GALNT11: variants seen among roughly 807,000 people sequenced by gnomAD.
The protein encoded by GALNT11 is polypeptide N-acetylgalactosaminyltransferase 11.
A neutral mutation model predicts 72.7 loss-of-function variants in GALNT11; 47 were observed. The ratio of observed to expected loss-of-function variants is 0.65; its 90% CI spans 0.51 to 0.82. GALNT11 has a LOEUF of 0.82. Ranked by LOEUF, GALNT11 falls within the 40% of genes least tolerant of loss-of-function variation. The pLI is 0.00. For missense variants in GALNT11, 677 were observed against 778.4 expected, an observed-to-expected ratio of 0.87 and a Z score of 1.55; for synonymous variants, 270 against 286.6, an observed-to-expected ratio of 0.94 and a Z score of 0.58.
At chr7:152,041,613 G>A (rs999579209) in intron 1 of GALNT11, among the ~76,000 whole-genome samples, 1 of 152,170 alleles carries the variant, frequency 6.6e-6, no homozygotes, top group African/African-American at 2.4e-5. Context: ...GTCTTCTCTG[G>A]ATCTATTCTA....
At chr7:152,052,289 A>G (rs564059679) in intron 1 of GALNT11, among the ~76,000 whole-genome samples, 1 of 152,176 alleles carries the variant, frequency 6.6e-6, no homozygotes, top group South Asian at 2.1e-4. Context: ...CCTTTTGGCT[A>G]TTGGGAATAC....
At chr7:152,066,323 A>C (rs2084309434) in intron 1 of GALNT11, among the ~76,000 whole-genome samples, 1 of 152,178 alleles carries the variant, frequency 6.6e-6, no homozygotes, top group African/African-American at 2.4e-5. Context: ...CCTATTTTCA[A>C]GGTACCGTCT....
At chr7:152,044,311 C>T (rs951136462) in intron 1 of GALNT11, among the ~76,000 whole-genome samples, 1 of 152,170 alleles carries the variant, frequency 6.6e-6, no homozygotes, top group African/African-American at 2.4e-5. Context: ...TGAACTTGTC[C>T]TTAAGGCACA....
chr7:152,045,241 A>G (rs1260073253), intron 1 of GALNT11, among the ~76,000 whole-genome samples: 2 of 151,864 alleles, frequency 1.3e-5, no homozygotes, highest in African/African-American at 2.4e-5. Flanking sequence ...ACTGGCCTGT[A>G]GTTTTATTTT....
chr7:152,092,353 C>T (rs1365099899), intron 1 of GALNT11, among the ~76,000 whole-genome samples: 2 of 152,118 alleles, frequency 1.3e-5, no homozygotes, highest in Non-Finnish European at 2.9e-5. Context: ...ACATTTTCTT[C>T]TACTTCAAGT....
intron 2 of GALNT11, among the ~76,000 whole-genome samples, chr7:152,100,514 C>A (rs1300755472): frequency 6.6e-6 from 1 of 150,408 alleles, no homozygotes; most frequent in Non-Finnish European, 1.5e-5. Context: ...TGCAGTGAGC[C>A]AAGATCGTGC....
At chr7:152,065,315 A>G (rs2084245968) in intron 1 of GALNT11, among the ~76,000 whole-genome samples, 1 of 152,198 alleles carries the variant, frequency 6.6e-6, no homozygotes, top group South Asian at 2.1e-4. Context: ...AGGTCATATA[A>G]GAACTTCTCT....
chr7:152,072,244 G>T (rs1391216571), intron 1 of GALNT11, among the ~76,000 whole-genome samples: 1 of 151,344 alleles, frequency 6.6e-6, no homozygotes, highest in Non-Finnish European at 1.5e-5. Context: ...GCTTCAACCT[G>T]GGAGGTGGAG....
At chr7:152,093,610 A>G (rs6464200) in intron 1 of GALNT11, among the ~76,000 whole-genome samples, 24,143 of 151,590 alleles carry the variant, frequency 0.16, 4,675 homozygotes, top group African/African-American at 0.46. Context: ...TGTATTTTTG[A>G]TAGACACAAG....
At chr7:152,039,231 T>A (rs1285070276) in intron 1 of GALNT11, among the ~76,000 whole-genome samples, 5 of 152,226 alleles carry the variant, frequency 3.3e-5, no homozygotes, top group African/African-American at 4.8e-5. Flanking sequence ...CTCTGCCTGT[T>A]CTGCAATGCA....
chr7:152,036,782 T>A (rs2082602219), intron 1 of GALNT11, among the ~76,000 whole-genome samples: 1 of 152,242 alleles, frequency 6.6e-6, no homozygotes, highest in Non-Finnish European at 1.5e-5. Context: ...TAAGCCATTT[T>A]AACTGGGGTG....
intron 8 of GALNT11, among the ~76,000 whole-genome samples, chr7:152,115,996 T>C (rs2088808385): frequency 6.6e-6 from 1 of 152,064 alleles, no homozygotes; most frequent in Non-Finnish European, 1.5e-5. Context: ...GTGGAGGTTG[T>C]GGTGTGCCGA....
intron 1 of GALNT11, among the ~76,000 whole-genome samples, chr7:152,087,192 G>A (rs532139107): frequency 8.5e-5 from 13 of 152,182 alleles, no homozygotes; most frequent in Non-Finnish European, 1.5e-4. Flanking sequence ...TTATGTATAC[G>A]TAAGAAGGTG....
intron 3 of GALNT11, among the ~76,000 whole-genome samples, chr7:152,101,791 G>A (rs745453000): frequency 5.3e-5 from 8 of 151,954 alleles, no homozygotes; most frequent in African/African-American, 1.5e-4. Context: ...GCACCACCAC[G>A]CCTGGTTAAT....
At chr7:152,073,709 G>A (rs1040343770) in intron 1 of GALNT11, among the ~76,000 whole-genome samples, 5 of 152,138 alleles carry the variant, frequency 3.3e-5, no homozygotes, top group African/African-American at 1.2e-4. Context: ...ATTTTGAGGA[G>A]CCTCTATACT....
rs567171074 is a variant in GALNT11, at chr7:152,116,750, T to C, written c.1234-407T>C. Among the ~76,000 whole-genome samples, 4 of 152,332 alleles carry C rather than the reference T, an allele frequency of 2.6e-5. No homozygotes were observed. The South Asian group carries it at 8.3e-4, about 32-fold the overall frequency. ...ATGTGAGAATTTAGCTGGCTTGTTT[T>C]AAGCCAGCCAGCCAGCAAAAAGGTT... On this transcript the variant is annotated intron_variant, in intron 8 of 11. Coordinates refer to ENST00000430044, the MANE Select transcript of GALNT11 (RefSeq NM_022087.4).
At chr7:152,118,396 A>G (rs2089090755) in intron 9 of GALNT11, 1 of 327,944 alleles carries the variant, frequency 3.0e-6, no homozygotes, top group South Asian at 3.6e-5. Flanking sequence ...AATTTCTTTC[A>G]TCTGCTGTAG....
chr7:152,101,218 G>A (rs2086854149), intron 3 of GALNT11, among the ~76,000 whole-genome samples: 1 of 152,116 alleles, frequency 6.6e-6, no homozygotes, highest in South Asian at 2.1e-4. Context: ...TTTATTGATT[G>A]GATTCATGGC....
chr7:152,068,557 G>A (rs1171494838), intron 1 of GALNT11, among the ~76,000 whole-genome samples: 2 of 152,156 alleles, frequency 1.3e-5, no homozygotes, highest in Non-Finnish European at 2.9e-5. Context: ...TGGGCATAGA[G>A]TTATTTGTAA....
Sources: gnomAD v4.1 joint callset for allele counts (sites outside exome capture counted in the v4.1 genomes callset) on GRCh38, gnomAD v4.1.1 for gene constraint, MANE v1.5 for transcripts, NCBI Gene and HGNC (gene_info 2026-07-23, HGNC 2026-07-21) for gene names.